Variants in TTC28 observed in about 807,000 individuals in gnomAD.
TTC28 encodes tetratricopeptide repeat domain 28.
TTC28 carries 61 observed loss-of-function variants against 198.0 expected under a neutral mutation model. That is an observed-to-expected ratio of 0.31 (90% confidence interval 0.25 to 0.38). TTC28 has a LOEUF of 0.38. TTC28 is among the 10% of genes least tolerant of loss of function. TTC28 has a pLI of 1.00. For missense variants in TTC28, 2,678 were observed against 3,164.0 expected (o/e 0.85, Z 3.69); for synonymous variants, 1,171 against 1,297.8 (o/e 0.90, Z 2.10).
chr22:28,144,515 G>A (rs1190675604), intron 6 of TTC28, among the ~76,000 whole-genome samples: 2 of 152,206 alleles, frequency 1.3e-5, no homozygotes, highest in Non-Finnish European at 2.9e-5. Flanking sequence ...AGCCAAAATT[G>A]CTGTGCTATG....
At chr22:28,592,492 T>A (rs1488318141) in intron 2 of TTC28, among the ~76,000 whole-genome samples, 3 of 149,794 alleles carry the variant, frequency 2.0e-5, no homozygotes, top group Non-Finnish European at 4.5e-5. Context: ...ATCTGTAATT[T>A]AAAAAAAAAA....
intron 2 of TTC28, among the ~76,000 whole-genome samples, chr22:28,388,068 G>A (rs1601729105): frequency 6.6e-6 from 1 of 152,180 alleles, no homozygotes; most frequent in African/African-American, 2.4e-5. Context: ...CATATGGCTA[G>A]CCAGTTTTCC....
intron 13 of TTC28, among the ~76,000 whole-genome samples, chr22:28,020,619 G>A (rs79665596): frequency 5.5e-4 from 83 of 152,292 alleles, no homozygotes; most frequent in African/African-American, 1.9e-3. Flanking sequence ...GGAAGCCAGC[G>A]CACTGCTCAC....
chr22:28,440,422 AGAG>A (rs1468696026), intron 2 of TTC28, among the ~76,000 whole-genome samples: 1 of 152,202 alleles, frequency 6.6e-6, no homozygotes, highest in Non-Finnish European at 1.5e-5. Context: ...CAGAGAAAAG[AGAG>A]GAGAGAGCTC....
At chr22:28,322,582 C>A (rs961008362) in intron 2 of TTC28, among the ~76,000 whole-genome samples, 2 of 152,026 alleles carry the variant, frequency 1.3e-5, no homozygotes, top group African/African-American at 4.8e-5. Flanking sequence ...AAAAATAGAG[C>A]GTAACAGTGA....
intron 12 of TTC28, among the ~76,000 whole-genome samples, chr22:28,076,967 T>C (rs1356450101): frequency 1.3e-5 from 2 of 152,288 alleles, no homozygotes; most frequent in East Asian, 1.9e-4. Context: ...TTCTGAAAAG[T>C]GTATTTTTAT....
At chr22:28,374,807 G>A (rs1266976880) in intron 2 of TTC28, among the ~76,000 whole-genome samples, 2 of 151,988 alleles carry the variant, frequency 1.3e-5, no homozygotes, top group Admixed American at 6.5e-5. Context: ...TCAGCCTCCC[G>A]AGTAGCTGGG....
intron 6 of TTC28, among the ~76,000 whole-genome samples, chr22:28,111,014 C>T (rs1942466192): frequency 6.7e-6 from 1 of 150,134 alleles, no homozygotes; most frequent in Non-Finnish European, 1.5e-5. Context: ...GATCCCAAAA[C>T]AGTACATTTT....
chr22:28,651,065 A>G (rs958649895), intron 1 of TTC28, among the ~76,000 whole-genome samples: 5 of 152,184 alleles, frequency 3.3e-5, no homozygotes, highest in African/African-American at 9.6e-5. Flanking sequence ...TGCAACATAG[A>G]CCATATAGCC....
chr22:28,349,863 G>C (rs2045965726), intron 2 of TTC28, among the ~76,000 whole-genome samples: 1 of 152,156 alleles, frequency 6.6e-6, no homozygotes, highest in South Asian at 2.1e-4. Flanking sequence ...TGGCAAAAAA[G>C]CAAATGAATG....
At chr22:28,186,944 A>G (rs1924257709) in intron 5 of TTC28, among the ~76,000 whole-genome samples, 4 of 152,202 alleles carry the variant, frequency 2.6e-5, no homozygotes, top group Admixed American at 2.6e-4. Context: ...AGCACACGTT[A>G]TATCATTTCT....
intron 12 of TTC28, among the ~76,000 whole-genome samples, chr22:28,054,655 C>T (rs545605304): frequency 1.6e-4 from 24 of 152,200 alleles, no homozygotes; most frequent in Admixed American, 1.4e-3. Context: ...TGTGGGCTCC[C>T]CTCCACACAT....
intron 2 of TTC28, among the ~76,000 whole-genome samples, chr22:28,569,960 C>T (rs1415792310): frequency 6.6e-6 from 1 of 152,188 alleles, no homozygotes; most frequent in African/African-American, 2.4e-5. Flanking sequence ...AAATGCTCAA[C>T]ATCACTGATC....
At chr22:28,194,095 G>C (rs1213593085) in intron 5 of TTC28, among the ~76,000 whole-genome samples, 1 of 152,138 alleles carries the variant, frequency 6.6e-6, no homozygotes, top group Non-Finnish European at 1.5e-5. Flanking sequence ...TCAGACCACA[G>C]TGCAATCAAA....
At chr22:28,132,826 T>C (rs1030575434) in intron 6 of TTC28, among the ~76,000 whole-genome samples, 3 of 152,244 alleles carry the variant, frequency 2.0e-5, no homozygotes, top group Non-Finnish European at 4.4e-5. Context: ...GTAAAAATAA[T>C]TGGCTGCTTC....
chr22:28,133,894 G>A (rs1943124946), intron 6 of TTC28, among the ~76,000 whole-genome samples: 1 of 152,238 alleles, frequency 6.6e-6, no homozygotes, highest in Non-Finnish European at 1.5e-5. Flanking sequence ...TGAGATCTGA[G>A]AGCGGACAGA....
intron 2 of TTC28, among the ~76,000 whole-genome samples, chr22:28,420,584 G>C (rs934056019): frequency 1.4e-5 from 2 of 139,600 alleles, no homozygotes; most frequent in African/African-American, 5.3e-5. Context: ...AAAAAAAAAA[G>C]GTGTTTTTTT....
At chr22:28,138,689 A>G (rs1386956941) in intron 6 of TTC28, among the ~76,000 whole-genome samples, 1 of 152,218 alleles carries the variant, frequency 6.6e-6, no homozygotes, top group African/African-American at 2.4e-5. Flanking sequence ...ACTTGTCCAT[A>G]GAAAACCCCA....
Position 28,420,488 on chromosome 22 carries a change from CTT to C in TTC28, c.382-113847_382-113846del, listed in dbSNP as rs1400398205. Among the ~76,000 whole-genome samples the C allele has an allele frequency of 2.8e-5, 4 of 144,166 alleles. No homozygotes were observed. In the East Asian group the frequency reaches 8.3e-4, roughly 30 times the overall value. 94.6% of individuals were successfully genotyped at this position (144,166 alleles called of 152,430 possible). A position where few individuals can be genotyped will look rare whatever the true frequency, so the allele number is the denominator to read the frequency against. Reference sequence around the variant, plus strand: ...ACCATGTAAGCTTTAACTCTTTGACCTTTTGTTTCTTTTTTCTCAAGCAGTTG... The same window carrying C: ...ACCATGTAAGCTTTAACTCTTTGACCTTGTTTCTTTTTTCTCAAGCAGTTG... On this transcript the variant is annotated intron_variant, in intron 2 of 22. Transcript: ENST00000397906.
Sources: gnomAD v4.1 joint callset for allele counts (sites outside exome capture counted in the v4.1 genomes callset) on GRCh38, gnomAD v4.1.1 for gene constraint, MANE v1.5 for transcripts, NCBI Gene and HGNC (gene_info 2026-07-23, HGNC 2026-07-21) for gene names.